The following GRIA1 variants were observed in gnomAD, a reference collection of about 807,000 sequenced individuals.
GRIA1 encodes glutamate ionotropic receptor AMPA type subunit 1.
Under a neutral mutation model 99.2 loss-of-function variants are expected in GRIA1, and 31 were observed. That is an observed-to-expected ratio of 0.31 (90% CI 0.23 to 0.42). The LOEUF (loss-of-function observed/expected upper bound fraction) is 0.42. GRIA1 is among the 10% of genes least tolerant of loss of function. The pLI is 1.00. For missense variants in GRIA1, 782 were observed against 1,157.5 expected (o/e 0.68, Z 4.71); for synonymous variants, 438 against 432.4 (o/e 1.01, Z -0.16).
At chr5:153,549,791 T>C (rs920678875) in intron 2 of GRIA1, among the ~76,000 whole-genome samples, 3 of 152,112 alleles carry the variant, frequency 2.0e-5, no homozygotes, top group Non-Finnish European at 2.9e-5. Context: ...CCAGGGGAGA[T>C]AGAAGGGTGG....
intron 2 of GRIA1, among the ~76,000 whole-genome samples, chr5:153,586,713 C>T (rs1396218400): frequency 3.9e-5 from 6 of 152,106 alleles, no homozygotes; most frequent in Admixed American, 3.9e-4. Context: ...TGGAGGATAT[C>T]ATTGGAGTGC....
At chr5:153,786,320 TG>T (rs1347924312) in intron 13 of GRIA1, among the ~76,000 whole-genome samples, 2 of 152,080 alleles carry the variant, frequency 1.3e-5, no homozygotes, top group Non-Finnish European at 2.9e-5. Context: ...ACTCCTCGGG[TG>T]GGGACTTTGC....
intron 11 of GRIA1, among the ~76,000 whole-genome samples, chr5:153,730,944 C>T (rs533673499): frequency 6.6e-6 from 1 of 152,092 alleles, no homozygotes; most frequent in South Asian, 2.1e-4. Flanking sequence ...ATCTCAGATT[C>T]CAAGGTAACT....
intron 2 of GRIA1, among the ~76,000 whole-genome samples, chr5:153,642,762 C>T (rs989683067): frequency 4.6e-5 from 7 of 152,122 alleles, no homozygotes; most frequent in African/African-American, 9.7e-5. Flanking sequence ...TAACCCAGTA[C>T]ACACAGAGTT....
At chr5:153,683,014 C>A (rs990021950) in intron 7 of GRIA1, among the ~76,000 whole-genome samples, 8 of 152,146 alleles carry the variant, frequency 5.3e-5, no homozygotes, top group Non-Finnish European at 2.9e-5. Flanking sequence ...GAGTTGAGGG[C>A]GCCAGGATGG....
chr5:153,555,311 T>C lies in GRIA1; in HGVS notation c.220+61246T>C, dbSNP rs1298057018. Among the ~76,000 whole-genome samples the C allele has an allele frequency of 3.3e-5, 5 of 151,608 alleles. No homozygotes were observed. The South Asian group carries it at 6.3e-4, about 19-fold the overall frequency. ...ACCTAACTTTGAAGGATGTCCACCA[T>C]TGAGTGTCACTACATACAGGGAGCA... On this transcript the variant is annotated intron_variant, in intron 2 of 15. Transcript: ENST00000285900.
rs1561706525 is a variant in GRIA1, at chr5:153,628,917, C to A, written c.221-18011C>A. On this transcript the variant is annotated intron_variant, in intron 2 of 15. Coordinates refer to ENST00000285900, the MANE Select transcript of GRIA1 (RefSeq NM_000827.4). ...GTTAGAATTCTGTCGTGTCTACAGACCAGCTTTGTTCCTCTCCTAGTCACC... is the reference window on the plus strand; with the variant it reads ...GTTAGAATTCTGTCGTGTCTACAGAACAGCTTTGTTCCTCTCCTAGTCACC... 1.3e-5 allele frequency among the ~76,000 whole-genome samples: 2 copies of A among 152,206 alleles called. 1 individual carries two copies. The highest frequency in any genetic ancestry group is 2.9e-5 in the Non-Finnish European group (2 of 68,024).
chr5:153,801,874 C>A (rs1766050236), intron 14 of GRIA1, among the ~76,000 whole-genome samples: 1 of 141,176 alleles, frequency 7.1e-6, no homozygotes, highest in South Asian at 2.3e-4. Context: ...ATTGTAAGTA[C>A]CAACTCTCAG....
At chr5:153,624,662 A>G (rs149391181) in intron 2 of GRIA1, among the ~76,000 whole-genome samples, 51 of 152,302 alleles carry the variant, frequency 3.3e-4, no homozygotes, top group African/African-American at 1.2e-3. Context: ...TGAAACCTCA[A>G]CAGGGGGGAA....
chr5:153,722,192 T>C (rs1760119274), intron 11 of GRIA1, among the ~76,000 whole-genome samples: 1 of 152,218 alleles, frequency 6.6e-6, no homozygotes, highest in Non-Finnish European at 1.5e-5. Flanking sequence ...GTTGTACAAG[T>C]ATTCTTCATA....
chr5:153,605,094 G>A (rs979271352), intron 2 of GRIA1, among the ~76,000 whole-genome samples: 16 of 152,002 alleles, frequency 1.1e-4, no homozygotes, highest in Non-Finnish European at 2.1e-4. Flanking sequence ...GGCTGAGACA[G>A]GAGAATCGCT....
chr5:153,638,095 G>C (rs1753514528), intron 2 of GRIA1, among the ~76,000 whole-genome samples: 1 of 152,138 alleles, frequency 6.6e-6, no homozygotes, highest in South Asian at 2.1e-4. Context: ...GATTAAAATA[G>C]GTAAATGACT....
At chr5:153,542,409 A>G (rs1459396621) in intron 2 of GRIA1, among the ~76,000 whole-genome samples, 2 of 152,220 alleles carry the variant, frequency 1.3e-5, no homozygotes, top group Non-Finnish European at 2.9e-5. Flanking sequence ...AATAACATGC[A>G]AGCAGGAGTT....
chr5:153,638,695 G>T (rs970084623), intron 2 of GRIA1, among the ~76,000 whole-genome samples: 4 of 152,194 alleles, frequency 2.6e-5, no homozygotes, highest in Admixed American at 1.3e-4. Flanking sequence ...TTTTTCAGCT[G>T]GGGCTTCCTC....
intron 2 of GRIA1, among the ~76,000 whole-genome samples, chr5:153,567,344 T>G (rs890951823): frequency 6.6e-6 from 1 of 151,888 alleles, no homozygotes; most frequent in Non-Finnish European, 1.5e-5. Context: ...GAAAATGAAG[T>G]GAGATAATGA....
intron 2 of GRIA1, among the ~76,000 whole-genome samples, chr5:153,546,221 A>G (rs1199893789): frequency 1.3e-5 from 2 of 152,194 alleles, no homozygotes; most frequent in African/African-American, 4.8e-5. Flanking sequence ...CCAAGAAGGA[A>G]GAGTTGAAGA....
intron 2 of GRIA1, among the ~76,000 whole-genome samples, chr5:153,541,819 G>T (rs143168510): frequency 0.046 from 6,834 of 149,730 alleles, 224 homozygotes; most frequent in Non-Finnish European, 0.071. Context: ...AGTCTCAGCT[G>T]CTTGAGAGGC....
At chr5:153,742,522 G>T (rs1266207662) in intron 11 of GRIA1, among the ~76,000 whole-genome samples, 1 of 152,212 alleles carries the variant, frequency 6.6e-6, no homozygotes, top group Non-Finnish European at 1.5e-5. Context: ...TGTGAGCAGG[G>T]TGATATTTGT....
intron 2 of GRIA1, among the ~76,000 whole-genome samples, chr5:153,500,404 C>T (rs1384442924): frequency 1.3e-5 from 2 of 152,132 alleles, no homozygotes; most frequent in African/African-American, 2.4e-5. Flanking sequence ...TGAATCTACA[C>T]GTGGCCTCAA....
Sources: gnomAD v4.1 joint callset for allele counts (sites outside exome capture counted in the v4.1 genomes callset) on GRCh38, gnomAD v4.1.1 for gene constraint, MANE v1.5 for transcripts, NCBI Gene and HGNC (gene_info 2026-07-23, HGNC 2026-07-21) for gene names.